The following RAPGEF4 variants were observed in gnomAD, a reference collection of about 807,000 sequenced individuals.
The protein encoded by RAPGEF4 is RAP guanine-nucleotide-exchange factor (GEF) 4.
RAPGEF4 carries 66 observed loss-of-function variants against 147.9 expected under a neutral mutation model. The observed-to-expected ratio is 0.45, with a 90% CI of 0.37 to 0.55. RAPGEF4 has a LOEUF of 0.55. RAPGEF4 is among the 20% of genes least tolerant of loss of function. The pLI is 0.00. For synonymous variants in RAPGEF4, 419 were observed against 442.7 expected, an observed-to-expected ratio of 0.95 and a Z score of 0.67; for missense variants, 1,071 against 1,257.3, an observed-to-expected ratio of 0.85 and a Z score of 2.24.
chr2:172,785,161 G>T (rs1397158623), intron 1 of RAPGEF4, among the ~76,000 whole-genome samples: 1 of 152,172 alleles, frequency 6.6e-6, no homozygotes, highest in Admixed American at 6.5e-5. Context: ...ATCTAACAGG[G>T]CTGCAATGAT....
chr2:172,762,020 G>A (rs150101699), intron 1 of RAPGEF4, among the ~76,000 whole-genome samples: 3,205 of 152,300 alleles, frequency 0.021, 66 homozygotes, highest in Non-Finnish European at 0.028. Context: ...TACTCGGGAG[G>A]CTGAGGCAGG....
At chr2:172,797,758 T>C in intron 3 of RAPGEF4, 145 bp downstream of exon 3, 1 of 615,692 alleles carries the variant, frequency 1.6e-6, no homozygotes, top group Non-Finnish European at 2.8e-6. Context: ...GTTGGATTCC[T>C]TTATTAAGTT....
At chr2:173,007,450 G>C (rs563454319) in intron 17 of RAPGEF4, among the ~76,000 whole-genome samples, 2 of 152,272 alleles carry the variant, frequency 1.3e-5, no homozygotes, top group East Asian at 3.9e-4. Context: ...CTTAAACCCA[G>C]AAATGCCAGG....
chr2:172,794,411 T>C (rs1686167419), intron 1 of RAPGEF4, among the ~76,000 whole-genome samples: 2 of 151,048 alleles, frequency 1.3e-5, no homozygotes, highest in South Asian at 4.2e-4. Flanking sequence ...TAGATTTACC[T>C]TGAACAATGG....
intron 4 of RAPGEF4, among the ~76,000 whole-genome samples, chr2:172,892,527 G>T (rs567487017): frequency 6.6e-6 from 1 of 152,210 alleles, no homozygotes; most frequent in South Asian, 2.1e-4. Context: ...ACTCCAGATC[G>T]TTGAGAAGTT....
chr2:173,001,159 A>G, intron 16 of RAPGEF4, 107 bp from the exon 17 acceptor site: 1 of 1,509,036 alleles, frequency 6.6e-7, no homozygotes, highest in Non-Finnish European at 8.9e-7. Context: ...CATGCCCCAA[A>G]CCAATGTGTT....
intron 1 of RAPGEF4, among the ~76,000 whole-genome samples, chr2:172,794,788 G>A (rs557172583): frequency 6.6e-6 from 1 of 152,276 alleles, no homozygotes; most frequent in African/African-American, 2.4e-5. Context: ...GCACTCTGAG[G>A]TTGACTCCTG....
intron 4 of RAPGEF4, among the ~76,000 whole-genome samples, chr2:172,848,248 C>A (rs538745794): frequency 6.6e-6 from 1 of 152,148 alleles, no homozygotes; most frequent in Non-Finnish European, 1.5e-5. Flanking sequence ...TGCAGTGACA[C>A]CTGGTTCTAA....
At chr2:172,999,205 A>G (rs375583321) in intron 16 of RAPGEF4, among the ~76,000 whole-genome samples, 1 of 152,244 alleles carries the variant, frequency 6.6e-6, no homozygotes, top group Non-Finnish European at 1.5e-5. Flanking sequence ...GGCTAACATC[A>G]TAATTTAATA....
intron 4 of RAPGEF4, among the ~76,000 whole-genome samples, chr2:172,826,614 C>G (rs897418499): frequency 7.2e-5 from 11 of 152,140 alleles, no homozygotes; most frequent in Admixed American, 6.5e-4. Flanking sequence ...AGAGATACAC[C>G]TGTTCCCAGG....
Position 172,888,287 on chromosome 2 carries a change from A to G in RAPGEF4, c.445-29515A>G, listed in dbSNP as rs141102675. On this transcript the variant is annotated intron_variant, in intron 4 of 30. Coordinates refer to ENST00000397081, the MANE Select transcript of RAPGEF4 (RefSeq NM_007023.4). Reference sequence around the variant, plus strand: ...CTTTCACCTCCCAGATGGGGAAAAAATCCGAGGCTGAACAGGAGCCTTGAC... The same window carrying G: ...CTTTCACCTCCCAGATGGGGAAAAAGTCCGAGGCTGAACAGGAGCCTTGAC... Among the ~76,000 whole-genome samples the G allele has an allele frequency of 2.8e-4, 43 of 152,342 alleles. No individual in the cohort carries two copies. The East Asian group carries it at 7.3e-3, about 26-fold the overall frequency.
At chr2:172,865,425 A>C (rs1465641306) in intron 4 of RAPGEF4, among the ~76,000 whole-genome samples, 3 of 152,212 alleles carry the variant, frequency 2.0e-5, no homozygotes, top group Non-Finnish European at 4.4e-5. Flanking sequence ...AACTCCAGGA[A>C]GCCTTGGAAG....
At chr2:172,988,422 C>T in intron 13 of RAPGEF4, 150 bp downstream of exon 13, 8 of 1,383,370 alleles carry the variant, frequency 5.8e-6, no homozygotes, top group Non-Finnish European at 7.6e-6. Context: ...TCATAAGTTA[C>T]CTCAGTTATT....
intron 4 of RAPGEF4, among the ~76,000 whole-genome samples, chr2:172,878,119 A>G (rs1242821980): frequency 6.6e-6 from 1 of 152,188 alleles, no homozygotes; most frequent in Non-Finnish European, 1.5e-5. Flanking sequence ...TTAATTCTAC[A>G]CCCACCTGGT....
intron 1 of RAPGEF4, among the ~76,000 whole-genome samples, chr2:172,794,293 G>T (rs1406707591): frequency 8.5e-5 from 12 of 141,166 alleles, no homozygotes; most frequent in African/African-American, 3.2e-4. Flanking sequence ...ATTGCAGTGA[G>T]CCAAGATCAT....
At chr2:173,026,987 C>A in intron 24 of RAPGEF4, 94 bp from the exon 25 acceptor site, 1 of 1,146,838 alleles carries the variant, frequency 8.7e-7, no homozygotes, top group South Asian at 1.7e-5. Context: ...TTCACATTTG[C>A]TGACCAGTAA....
At chr2:172,960,970 C>A in intron 7 of RAPGEF4, 152 bp from the exon 8 acceptor site, 1 of 803,452 alleles carries the variant, frequency 1.2e-6, no homozygotes. Flanking sequence ...AAACCAGTGA[C>A]ATATCACACA....
intron 4 of RAPGEF4, among the ~76,000 whole-genome samples, chr2:172,894,702 C>T (rs1698291847): frequency 6.6e-6 from 1 of 152,072 alleles, no homozygotes; most frequent in Non-Finnish European, 1.5e-5. Context: ...TGATCTGTGA[C>T]TTGGTGAAAA....
At position 172,809,742 on chromosome 2, in the gene RAPGEF4, A is replaced by T. The variant is rs529703102; in HGVS notation, c.298-4537A>T. ...AGATGGGGGTCTCACTATGTTGCCCAGGCTGGTCTTAAATTCCTGGCTTCA... is the reference window on the plus strand; with the variant it reads ...AGATGGGGGTCTCACTATGTTGCCCTGGCTGGTCTTAAATTCCTGGCTTCA... On this transcript the variant is annotated intron_variant, in intron 3 of 30. Transcript: ENST00000397081. 7.2e-5 allele frequency among the ~76,000 whole-genome samples: 11 copies of T among 152,268 alleles called. No individual in the cohort carries two copies. In the South Asian group the frequency reaches 1.4e-3, roughly 20 times the overall value.
Sources: allele counts gnomAD v4.1 joint callset (sites outside exome capture counted in the v4.1 genomes callset), GRCh38; gene constraint gnomAD v4.1.1; transcripts MANE v1.5; gene names NCBI Gene and HGNC (gene_info 2026-07-23, HGNC 2026-07-21).